Variants in AGAP1 observed in about 807,000 individuals in gnomAD.
AGAP1 encodes arf-GAP with GTPase, ANK repeat and PH domain-containing protein 1.
Under a neutral mutation model 105.3 loss-of-function variants are expected in AGAP1, and 29 were observed. The observed-to-expected ratio is 0.28, with a 90% CI of 0.21 to 0.38. The LOEUF is 0.38. Ranked by LOEUF, AGAP1 falls within the 10% of genes least tolerant of loss-of-function variation. AGAP1 has a pLI of 1.00. For synonymous variants in AGAP1, 509 were observed against 485.9 expected (o/e 1.05, Z -0.63); for missense variants, 998 against 1,165.1 (o/e 0.86, Z 2.09).
intron 9 of AGAP1, among the ~76,000 whole-genome samples, chr2:235,815,705 G>A (rs568661260): frequency 3.5e-4 from 53 of 152,282 alleles, no homozygotes; most frequent in South Asian, 1.5e-3. Flanking sequence ...TGAAGAGGCC[G>A]CATGCGTTAG....
In AGAP1 at chr2:235,552,426, C is replaced by G. The variant is rs1943843470; in HGVS notation, c.163+57577C>G. Among the ~76,000 whole-genome samples, 1 of 152,070 alleles carries G rather than the reference C, an allele frequency of 6.6e-6. No individual in the cohort carries two copies. Among genetic ancestry groups the G allele is most frequent in the Non-Finnish European group, 1.5e-5 (1 of 68,026 alleles). ...TGGCATTGTTGGAGGTCAGGAAGAC[C>G]AACTAAGTCAAGTAGAGCCATTGGC... On this transcript the variant is annotated intron_variant, in intron 1 of 17. Coordinates refer to ENST00000304032, the MANE Select transcript of AGAP1 (RefSeq NM_001037131.3). This position sits in a 1 kb window ranked among gnomAD's most constrained non-coding sequence, Gnocchi z 5.9.
intron 1 of AGAP1, among the ~76,000 whole-genome samples, chr2:235,539,645 T>G (rs1943368544): frequency 6.6e-6 from 1 of 152,186 alleles, no homozygotes; most frequent in African/African-American, 2.4e-5. Context: ...TCAGAGATAC[T>G]GAGCTGTGGG....
chr2:235,833,861 T>G (rs1006775787), intron 9 of AGAP1, among the ~76,000 whole-genome samples: 2 of 151,506 alleles, frequency 1.3e-5, no homozygotes, highest in Admixed American at 6.6e-5. Flanking sequence ...TCTGGTTTTT[T>G]TTTTTTTTTT....
At chr2:235,532,644 G>A (rs1218850275) in intron 1 of AGAP1, among the ~76,000 whole-genome samples, 5 of 152,140 alleles carry the variant, frequency 3.3e-5, no homozygotes, top group Non-Finnish European at 4.4e-5. Flanking sequence ...ATTTAATCAT[G>A]GATGTATTGA....
intron 1 of AGAP1, among the ~76,000 whole-genome samples, chr2:235,573,244 C>G (rs1944632355): frequency 6.6e-6 from 1 of 151,592 alleles, no homozygotes; most frequent in African/African-American, 2.4e-5. Context: ...ACCACCATGC[C>G]TGGTTACTTT....
In AGAP1 at chr2:235,633,561, C is replaced by A. The variant is rs1946896475; in HGVS notation, c.164-75618C>A. Among the ~76,000 whole-genome samples, 2 of 152,140 alleles carry A rather than the reference C, an allele frequency of 1.3e-5. No individual in the cohort carries two copies. Among genetic ancestry groups the A allele is most frequent in the African/African-American group, 4.8e-5 (2 of 41,436 alleles). ...TGAGTCAAGATCGCACCATTGCACT[C>A]CAGCCTGGGTGACAAGAGCAAGACT... On this transcript the variant is annotated intron_variant, in intron 1 of 17. Transcript: ENST00000304032. This position sits in a 1 kb window ranked among gnomAD's most constrained non-coding sequence, Gnocchi z 4.8.
chr2:235,822,547 C>G (rs1958852578), intron 9 of AGAP1, among the ~76,000 whole-genome samples: 1 of 151,758 alleles, frequency 6.6e-6, no homozygotes, highest in Non-Finnish European at 1.5e-5. Flanking sequence ...TGAAGAAGCT[C>G]AAGGGTGAGG....
chr2:235,950,549 A>AC (rs1298020387), intron 12 of AGAP1, among the ~76,000 whole-genome samples: 1 of 151,868 alleles, frequency 6.6e-6, no homozygotes, highest in Non-Finnish European at 1.5e-5. Flanking sequence ...GTGGATAGTC[A>AC]CTGACGATTT....
chr2:235,885,476 A>T (rs6431402), intron 10 of AGAP1, among the ~76,000 whole-genome samples: 2 of 152,206 alleles, frequency 1.3e-5, no homozygotes, highest in Non-Finnish European at 2.9e-5. Flanking sequence ...CATTCCTAGC[A>T]ATTGGCTTCC....
At chr2:235,638,458 A>G (rs1947084503) in intron 1 of AGAP1, among the ~76,000 whole-genome samples, 2 of 152,238 alleles carry the variant, frequency 1.3e-5, no homozygotes, top group African/African-American at 4.8e-5. Flanking sequence ...TTGTGAATAG[A>G]GACTAGTTAA....
intron 1 of AGAP1, among the ~76,000 whole-genome samples, chr2:235,688,521 A>T (rs1160668337): frequency 6.6e-6 from 1 of 152,080 alleles, no homozygotes; most frequent in Non-Finnish European, 1.5e-5. Flanking sequence ...TGCCCTGCAG[A>T]TGTAAGCTGC....
At chr2:235,512,396 A>C (rs1942184622) in intron 1 of AGAP1, among the ~76,000 whole-genome samples, 1 of 152,178 alleles carries the variant, frequency 6.6e-6, no homozygotes, top group African/African-American at 2.4e-5. Flanking sequence ...TAGGAGTTCA[A>C]GACCAGCCTG....
rs1411508823 is a variant in AGAP1 at position 235,875,960 on chromosome 2, T to G, written c.1051-7385T>G. Reference sequence around the variant, plus strand: ...GGATTCATTTAATGAGAGTTAAGTTTGACCATATAATGGAACAAATGTTAA... The same window carrying G: ...GGATTCATTTAATGAGAGTTAAGTTGGACCATATAATGGAACAAATGTTAA... On this transcript the variant is annotated intron_variant, in intron 9 of 17. Transcript: ENST00000304032. This position sits in a 1 kb window ranked among gnomAD's most constrained non-coding sequence, Gnocchi z 4.0. Among the ~76,000 whole-genome samples, 1 of 152,230 alleles carries G rather than the reference T, an allele frequency of 6.6e-6. No individual in the cohort carries two copies. Among genetic ancestry groups the G allele is most frequent in the Non-Finnish European group, 1.5e-5 (1 of 68,048 alleles).
At chr2:235,785,751 T>C (rs1956588956) in intron 6 of AGAP1, among the ~76,000 whole-genome samples, 1 of 152,380 alleles carries the variant, frequency 6.6e-6, no homozygotes, top group African/African-American at 2.4e-5. Flanking sequence ...TTGTATGTTT[T>C]AAAATCCTTT....
intron 1 of AGAP1, chr2:235,670,325 G>T (rs965546174): frequency 4.2e-6 from 2 of 480,484 alleles, no homozygotes; most frequent in African/African-American, 2.0e-5. Flanking sequence ...GGCCGAGGAG[G>T]CGGAGGGCGC....
chr2:235,738,476 G>C (rs535934007), intron 3 of AGAP1, among the ~76,000 whole-genome samples: 19 of 152,282 alleles, frequency 1.2e-4, no homozygotes, highest in Admixed American at 2.6e-4. Flanking sequence ...GCCACACACA[G>C]AACAGGGTAT....
intron 9 of AGAP1, among the ~76,000 whole-genome samples, chr2:235,810,833 CTTTT>C (rs76910320): frequency 1.1e-4 from 13 of 113,112 alleles, no homozygotes; most frequent in African/African-American, 3.2e-4. Context: ...AATTCGGTTT[CTTTT>C]TTTTTTTTTT....
rs990305535 is a variant in AGAP1, at chr2:235,879,975, A to G, written c.1051-3370A>G. Among the ~76,000 whole-genome samples the G allele has an allele frequency of 1.3e-5, 2 of 151,646 alleles. No individual in the cohort carries two copies. The highest frequency in any genetic ancestry group is 4.8e-5 in the African/African-American group (2 of 41,254). On this transcript the variant is annotated intron_variant, in intron 9 of 17. Coordinates refer to ENST00000304032, the MANE Select transcript of AGAP1 (RefSeq NM_001037131.3). The surrounding 1 kb of genome is among the most constrained non-coding windows in gnomAD (Gnocchi z 5.0). ...GAAATAAAAAAATTAGCCGAACAGG[A>G]TGGCACACGCCTGTAGTCCCAAGCT... is the stretch of plus-strand genomic sequence containing the variant.
At chr2:236,034,419 G>T (rs1430451865) in intron 13 of AGAP1, among the ~76,000 whole-genome samples, 1 of 152,012 alleles carries the variant, frequency 6.6e-6, no homozygotes, top group Non-Finnish European at 1.5e-5. Context: ...TCCACAGCAG[G>T]TGGAGTGTTT....
Sources: gnomAD v4.1 joint callset for allele counts (sites outside exome capture counted in the v4.1 genomes callset) on GRCh38, gnomAD v4.1.1 for gene constraint, Gnocchi (gnomAD v3.1) non-coding constraint, MANE v1.5 for transcripts, NCBI Gene and HGNC (gene_info 2026-07-23, HGNC 2026-07-21) for gene names.